BANF2: variants seen among roughly 807,000 people sequenced by gnomAD.
BANF2 encodes the protein BANF family member 2.
In BANF2, 4 loss-of-function variants were observed where a neutral mutation model predicts 8.0. The ratio of observed to expected loss-of-function variants is 0.50; its 90% CI spans 0.25 to 1.14. The LOEUF (loss-of-function observed/expected upper bound fraction) is 1.14. Ranked by LOEUF, BANF2 falls within the 50% of genes most tolerant of loss-of-function variation. The probability of loss-of-function intolerance (pLI) is 0.16; values close to 1 mark genes in which losing one functional copy is unlikely to be tolerated. For synonymous variants in BANF2, 50 were observed against 40.6 expected (o/e 1.23, Z -0.88); for missense variants, 96 against 107.5 (o/e 0.89, Z 0.47).
chr20:17,727,058 A>C (rs775695744), intron 3 of BANF2, among the ~76,000 whole-genome samples: 6 of 152,178 alleles, frequency 3.9e-5, no homozygotes. Flanking sequence ...GTGTGTGTGA[A>C]TAGCTTAACT....
At chr20:17,717,435 C>T (rs1568813926) in intron 1 of BANF2, among the ~76,000 whole-genome samples, 1 of 151,980 alleles carries the variant, frequency 6.6e-6, no homozygotes, top group South Asian at 2.1e-4. Flanking sequence ...GATGTCAGTG[C>T]TTTGAATATA....
chr20:17,695,258 T>G (rs966813245), upstream of BANF2, among the ~76,000 whole-genome samples: 1 of 151,068 alleles, frequency 6.6e-6, no homozygotes, highest in African/African-American at 2.4e-5. Flanking sequence ...ACCAGCCTGG[T>G]CAACAAAGGG....
intron 3 of BANF2, among the ~76,000 whole-genome samples, chr20:17,734,636 T>C (rs1170228706): frequency 6.6e-6 from 1 of 152,144 alleles, no homozygotes; most frequent in Non-Finnish European, 1.5e-5. Flanking sequence ...TTTGGCAATG[T>C]TTGGGGATGG....
intron 1 of BANF2, among the ~76,000 whole-genome samples, chr20:17,701,498 G>A (rs2037408411): frequency 6.6e-6 from 1 of 152,158 alleles, no homozygotes; most frequent in African/African-American, 2.4e-5. Flanking sequence ...AAAAGAGAAT[G>A]GGCTGCTTTG....
upstream of BANF2, among the ~76,000 whole-genome samples, chr20:17,697,001 A>G (rs2037351495): frequency 6.6e-6 from 1 of 152,060 alleles, no homozygotes; most frequent in Non-Finnish European, 1.5e-5. Flanking sequence ...AGAATGTGGA[A>G]GGAGTTAGGG....
upstream of BANF2, among the ~76,000 whole-genome samples, chr20:17,696,898 T>C (rs1171986125): frequency 2.6e-5 from 4 of 152,140 alleles, no homozygotes; most frequent in Non-Finnish European, 5.9e-5. Context: ...TTTCTCGACA[T>C]GGTGTTTTCA....
chr20:17,703,331 C>G (rs1188841898), intron 1 of BANF2, among the ~76,000 whole-genome samples: 1 of 152,230 alleles, frequency 6.6e-6, no homozygotes. Flanking sequence ...GGGATGCAGT[C>G]TGCCCTCTCC....
intron 1 of BANF2, among the ~76,000 whole-genome samples, chr20:17,700,611 G>T (rs377540417): frequency 6.6e-6 from 1 of 152,214 alleles, no homozygotes; most frequent in Non-Finnish European, 1.5e-5. Context: ...TTTTGGGACA[G>T]TAAGAGAGCT....
chr20:17,707,300 G>A (rs529117043), intron 1 of BANF2, among the ~76,000 whole-genome samples: 27 of 151,850 alleles, frequency 1.8e-4, no homozygotes, highest in South Asian at 1.5e-3. Context: ...GGAGAATGGC[G>A]TGAACCCAGG....
intron 1 of BANF2, among the ~76,000 whole-genome samples, chr20:17,716,573 A>G (rs891641581): frequency 6.6e-6 from 1 of 151,102 alleles, no homozygotes; most frequent in African/African-American, 2.4e-5. Context: ...TTTTTTAAAG[A>G]AAGAGACAGG....
intron 3 of BANF2, among the ~76,000 whole-genome samples, chr20:17,733,173 C>G (rs2037926777): frequency 6.6e-6 from 1 of 152,218 alleles, no homozygotes; most frequent in Admixed American, 6.5e-5. Flanking sequence ...CTCTCACTAA[C>G]AGGCCAGCTG....
chr20:17,698,050 CAA>C (rs553637543), upstream of BANF2, among the ~76,000 whole-genome samples: 39 of 151,910 alleles, frequency 2.6e-4, 1 homozygote, highest in African/African-American at 8.0e-4. Context: ...ACTAAAAATA[CAA>C]AAAAATTAGC....
intron 1 of BANF2, among the ~76,000 whole-genome samples, chr20:17,702,388 G>A (rs1375476423): frequency 6.6e-6 from 1 of 152,224 alleles, no homozygotes; most frequent in Non-Finnish European, 1.5e-5. Context: ...TATGCACCAA[G>A]GAAGAAAATC....
chr20:17,719,680 T>C (rs2037702141), intron 1 of BANF2, among the ~76,000 whole-genome samples: 1 of 133,944 alleles, frequency 7.5e-6, no homozygotes, highest in Non-Finnish European at 1.6e-5. Flanking sequence ...AGATCCCTTT[T>C]TTTAATTAAA....
intron 1 of BANF2, among the ~76,000 whole-genome samples, chr20:17,721,165 C>A (rs1163572374): frequency 6.6e-6 from 1 of 152,166 alleles, no homozygotes; most frequent in Admixed American, 6.5e-5. Context: ...TGAGTAGCCT[C>A]ATGTTTCAGA....
rs551135840 is a variant in BANF2 at position 17,717,492 on chromosome 20, C to T, written c.-166-5224C>T. On this transcript the variant is annotated intron_variant, in intron 1 of 3. Coordinates refer to ENST00000246090, the MANE Select transcript of BANF2 (RefSeq NM_178477.5). ...AAGTAGAAACAGAAAATGAAGGCAC[C>T]GAGCAAAAGAAGCAAATTTAACTAC... 4.6e-5 allele frequency among the ~76,000 whole-genome samples: 7 copies of T among 151,900 alleles called. 1 individual carries two copies. Among genetic ancestry groups the T allele is most frequent in the South Asian group, 2.1e-4 (1 of 4,796 alleles).
intron 1 of BANF2, among the ~76,000 whole-genome samples, chr20:17,694,167 G>A (rs964713124): frequency 5.3e-5 from 8 of 152,178 alleles, no homozygotes; most frequent in East Asian, 1.9e-4. Flanking sequence ...GAACAAAACC[G>A]ATGCAAAGCC....
chr20:17,733,233 G>T (rs1157302230), intron 3 of BANF2, among the ~76,000 whole-genome samples: 2 of 152,186 alleles, frequency 1.3e-5, no homozygotes, highest in African/African-American at 4.8e-5. Context: ...TTAGCCTCCA[G>T]GCCAGACTGT....
At chr20:17,730,960 T>C (rs2037885707) in intron 3 of BANF2, among the ~76,000 whole-genome samples, 1 of 152,206 alleles carries the variant, frequency 6.6e-6, no homozygotes. Context: ...AAACATTCCC[T>C]GAAGTGAGGA....
Sources: gnomAD v4.1 joint callset for allele counts (sites outside exome capture counted in the v4.1 genomes callset) on GRCh38, gnomAD v4.1.1 for gene constraint, MANE v1.5 for transcripts, NCBI Gene and HGNC (gene_info 2026-07-23, HGNC 2026-07-21) for gene names.